The following SLC25A1 variants were observed in gnomAD, a reference collection of about 807,000 sequenced individuals.
SLC25A1 encodes solute carrier family 25 member 1.
In SLC25A1, 26 loss-of-function variants were observed where a neutral mutation model predicts 38.1. That is an observed-to-expected ratio of 0.68 (90% CI 0.50 to 0.95). The LOEUF is 0.95. SLC25A1 is among the 40% of genes least tolerant of loss of function. The pLI is 0.00. For missense variants in SLC25A1, 378 were observed against 426.6 expected (o/e 0.89, Z 1.00); for synonymous variants, 211 against 183.2 (o/e 1.15, Z -1.23).
In SLC25A1 at chr22:19,177,803, G is replaced by T; in HGVS notation, c.365C>A (p.Thr122Lys). Reference protein sequence around the residue: ...MRDAQGRLDSTRGLLCGLGAG... With the variant: ...MRDAQGRLDSKRGLLCGLGAG... Reference sequence around the variant, plus strand: ...GCCCAGGCCGCACAGCAGCCCACGCGTGCTGTCCAGCCGTCCCTGGGCATC... The same window carrying T: ...GCCCAGGCCGCACAGCAGCCCACGCTTGCTGTCCAGCCGTCCCTGGGCATC... Residue 122 changes from threonine (T) to lysine (K), a missense_variant, in exon 4 of 9, where the codon ACG becomes AAG. Thr to Lys is a moderately conservative substitution (Grantham distance 78). Transcript: ENST00000215882. The T allele has an allele frequency of 1.2e-6, 2 of 1,610,814 alleles. No individual in the cohort carries two copies. The highest frequency in any genetic ancestry group is 1.7e-6 in the Non-Finnish European group (2 of 1,179,432).
In SLC25A1 at chr22:19,175,832, G is replaced by T; in HGVS notation, c.*298C>A. 1 of 94,476 alleles carries T rather than the reference G, an allele frequency of 1.1e-5. No individual in the cohort carries two copies. The highest frequency in any genetic ancestry group is 1.6e-5 in the Non-Finnish European group (1 of 61,750). 5.9% of individuals were successfully genotyped at this position (94,476 alleles called of 1,614,324 possible). ...AGGGCCGAGGACCCAGGCCACACGG[G>T]CACCCCGGGAGGCGGGGCACAGGGT... On this transcript the variant is annotated 3_prime_UTR_variant, in exon 9 of 9. Coordinates refer to ENST00000215882, the MANE Select transcript of SLC25A1 (RefSeq NM_005984.5).
chr22:19,176,361 G>A, intron 8 of SLC25A1, 60 bp downstream of exon 8: 5 of 1,584,720 alleles, frequency 3.2e-6, no homozygotes, highest in South Asian at 1.1e-5. Context: ...GAGTGGGCAG[G>A]CCAGGTAGGC....
rs1555923018 is a variant in SLC25A1, at chr22:19,177,850, C to T, written c.318G>A (p.Glu106=). 3 of 1,608,744 alleles carry T rather than the reference C, an allele frequency of 1.9e-6. No individual in the cohort carries two copies. Among genetic ancestry groups the T allele is most frequent in the South Asian group, 2.2e-5 (2 of 90,650 alleles). The part of the protein sequence containing the change: ...PKAAVRFGMF[E]FLSNHMRDAQ... ...CATCCCGCATGTGGTTGCTGAGGAA[C>T]TCGAACATTCCAAACCTGGAGGCGG... Residue 106 remains glutamate, a synonymous_variant, in exon 4 of 9, where the codon GAG becomes GAA. Transcript: ENST00000215882.
Position 19,177,642 on chromosome 22 carries a change from G to A in SLC25A1, c.441+85C>T, listed in dbSNP as rs572879228. 50 of 1,563,770 alleles carry A rather than the reference G, an allele frequency of 3.2e-5. No homozygotes were observed. In the African/African-American group the frequency reaches 5.7e-4, roughly 18 times the overall value. ...TCCAGGAGACCCTCCCCAGCTTGCC[G>A]GTTGCCCCGGGAGCACCGGGCCAGC... On this transcript the variant is annotated intron_variant, in intron 4 of 8. Transcript: ENST00000215882.
Position 19,176,887 on chromosome 22 carries a change from A to C in SLC25A1, c.590T>G (p.Ile197Ser). The C allele has an allele frequency of 6.2e-7, 1 of 1,613,846 alleles. No individual in the cohort carries two copies. The highest frequency in any genetic ancestry group is 8.5e-7 in the Non-Finnish European group (1 of 1,180,014). The change falls in exon 6 of 9, where the codon ATC (isoleucine) becomes AGC (serine). Residue 197 changes from isoleucine (I) to serine (S), a missense_variant. By Grantham distance (142) the Ile-to-Ser change is moderately radical. Transcript: ENST00000215882. ...CAGGGAGGTCATGACGAAGAAGCGG[A>C]TGGCCTGGTTCGAGCCCTGCTTCAG... is the stretch of plus-strand genomic sequence containing the variant. ...TVLKQGSNQA[I>S]RFFVMTSLRN...
rs3213492 is a variant in SLC25A1 at position 19,176,996 on chromosome 22, C to A, written c.527-46G>T. On this transcript the variant is annotated intron_variant, in intron 5 of 8. Coordinates refer to ENST00000215882, the MANE Select transcript of SLC25A1 (RefSeq NM_005984.5). The stretch of plus-strand genomic sequence containing the variant: ...GGTTACCCTGCAGCCTCTCAGGCCC[C>A]GGTTGGGAATTGGTGTGTGTGGGGG... 1,374 of 1,606,014 alleles carry A rather than the reference C, an allele frequency of 8.6e-4. 22 individuals carry two copies. The East Asian group carries it at 0.023, about 27-fold the overall frequency.
At position 19,177,568 on chromosome 22, in the gene SLC25A1, G is replaced by A. The variant is rs536006359; in HGVS notation, c.441+159C>T. Reference sequence around the variant, plus strand: ...CCTCCACGGGTGGCCCTTCGTGGCAGGCGTCCTGCCCCAGGGCCCCGCGGT... The same window carrying A: ...CCTCCACGGGTGGCCCTTCGTGGCAAGCGTCCTGCCCCAGGGCCCCGCGGT... On this transcript the variant is annotated intron_variant, in intron 4 of 8. Transcript: ENST00000215882. Among the ~76,000 whole-genome samples the A allele has an allele frequency of 3.3e-4, 51 of 152,364 alleles. 1 individual carries two copies. Among genetic ancestry groups the A allele is most frequent in the African/African-American group, 1.1e-3 (47 of 41,590 alleles).
In SLC25A1 at chr22:19,178,301, C is replaced by T. The variant is rs376390376; in HGVS notation, c.95-61G>A. The T allele has an allele frequency of 6.9e-5, 106 of 1,534,562 alleles. No individual in the cohort carries two copies. Among genetic ancestry groups the T allele is most frequent in the Non-Finnish European group, 7.8e-5 (89 of 1,140,226 alleles). On this transcript the variant is annotated intron_variant, in intron 1 of 8. Coordinates refer to ENST00000215882, the MANE Select transcript of SLC25A1 (RefSeq NM_005984.5). The surrounding 1 kb of genome is among the most constrained non-coding windows in gnomAD (Gnocchi z 4.9). The stretch of plus-strand genomic sequence containing the variant: ...CCCGGCCGCTGGCGCTCGGGCCCCT[C>T]CCCCGTCCCGGACTTCGGTCGGCGC...
Position 19,178,449 on chromosome 22 carries a change from GGTGGGGACC to G in SLC25A1, c.94+122_94+130del. 7.3e-6 allele frequency: 10 copies of G among 1,371,332 alleles called. No individual in the cohort carries two copies. Among genetic ancestry groups the G allele is most frequent in the Non-Finnish European group, 9.4e-6 (10 of 1,069,224 alleles). 84.9% of individuals were successfully genotyped at this position (1,371,332 alleles called of 1,614,324 possible). ...GAGGCGGGCGAGTCCCAGCGCGCCG[GGTGGGGACC>G]AGGACCGCGCCTCCACGACTCCCCA... is the stretch of plus-strand genomic sequence containing the variant. On this transcript the variant is annotated intron_variant, in intron 1 of 8. Coordinates refer to ENST00000215882, the MANE Select transcript of SLC25A1 (RefSeq NM_005984.5). The surrounding 1 kb of genome is among the most constrained non-coding windows in gnomAD (Gnocchi z 4.9).
Position 19,176,496 on chromosome 22 carries a change from T to C in SLC25A1, c.748-2A>G, listed in dbSNP as rs2083962092. ...CCGGTATTTGTGCGCCTCCAGGCCC[T>C]ATGGGGGACATCAGCAGGCAGGGGC... On this transcript the variant is annotated splice_acceptor_variant, in intron 7 of 8. Coordinates refer to ENST00000215882, the MANE Select transcript of SLC25A1 (RefSeq NM_005984.5). LOFTEE classifies it high-confidence loss of function. 3 of 1,613,640 alleles carry C rather than the reference T, an allele frequency of 1.9e-6. No individual in the cohort carries two copies. The highest frequency in any genetic ancestry group is 2.5e-6 in the Non-Finnish European group (3 of 1,179,980).
In SLC25A1 at chr22:19,176,937, C is replaced by A. The variant is rs143022471; in HGVS notation, c.540G>T (p.Thr180=). 3.1e-6 allele frequency: 5 copies of A among 1,613,442 alleles called. No individual in the cohort carries two copies. Among genetic ancestry groups the A allele is most frequent in the Non-Finnish European group, 4.2e-6 (5 of 1,180,014 alleles). ...EIVREQGLKG[T]YQGLTATVLK... Reference sequence around the variant, plus strand: ...GGACAGTGGCTGTGAGGCCCTGGTACGTCCCCTTCAGCCCTGCGGGAAGGC... The same window carrying A: ...GGACAGTGGCTGTGAGGCCCTGGTAAGTCCCCTTCAGCCCTGCGGGAAGGC... The change falls in exon 6 of 9, where the codon ACG becomes ACT. Residue 180 remains threonine (T), a synonymous_variant. Transcript: ENST00000215882.
chr22:19,177,815 C>T lies in SLC25A1; in HGVS notation c.353G>A (p.Arg118Gln), dbSNP rs782121656. 1.2e-6 allele frequency: 2 copies of T among 1,610,812 alleles called. No individual in the cohort carries two copies. The highest frequency in any genetic ancestry group is 1.3e-5 in the African/African-American group (1 of 75,026). The stretch of plus-strand genomic sequence containing the variant: ...CAGCAGCCCACGCGTGCTGTCCAGC[C>T]GTCCCTGGGCATCCCGCATGTGGTT... Reference protein sequence around the residue: ...LSNHMRDAQGRLDSTRGLLCG... With the variant: ...LSNHMRDAQGQLDSTRGLLCG... The change falls in exon 4 of 9, where the codon CGG (arginine) becomes CAG (glutamine). Residue 118 changes from arginine to glutamine, a missense_variant. Transcript: ENST00000215882.
rs1555922192 is a variant in SLC25A1, at chr22:19,176,111, C to G, written c.*19G>C. ...ACTCTGGCGGTGCCTGGGGCGGTCCCCTTGCGGCCTCTCTAGGCTTAGTCC... is the reference window on the plus strand; with the variant it reads ...ACTCTGGCGGTGCCTGGGGCGGTCCGCTTGCGGCCTCTCTAGGCTTAGTCC... On this transcript the variant is annotated 3_prime_UTR_variant, in exon 9 of 9. Transcript: ENST00000215882. 6.2e-7 allele frequency: 1 copy of G among 1,604,346 alleles called. No homozygotes were observed. The highest frequency in any genetic ancestry group is 8.5e-7 in the Non-Finnish European group (1 of 1,171,814).
chr22:19,178,358 G>A lies in SLC25A1; in HGVS notation c.95-118C>T. On this transcript the variant is annotated intron_variant, in intron 1 of 8. Transcript: ENST00000215882. This position sits in a 1 kb window ranked among gnomAD's most constrained non-coding sequence, Gnocchi z 4.9. Reference sequence around the variant, plus strand: ...CGCGCCAGTGCCGCGGGGAACATAGGCTGGGGCCCCACGCCCCCATGCCCT... The same window carrying A: ...CGCGCCAGTGCCGCGGGGAACATAGACTGGGGCCCCACGCCCCCATGCCCT... The A allele has an allele frequency of 6.7e-7, 1 of 1,482,986 alleles. No homozygotes were observed. The highest frequency in any genetic ancestry group is 8.9e-7 in the Non-Finnish European group (1 of 1,119,998). 91.9% of individuals were successfully genotyped at this position (1,482,986 alleles called of 1,614,324 possible). A position where few individuals can be genotyped will look rare whatever the true frequency, so the allele number is the denominator to read the frequency against.
chr22:19,177,781 C>G lies in SLC25A1; in HGVS notation c.387G>C (p.Leu129=). Residue 129 remains leucine, a synonymous_variant, in exon 4 of 9, where the codon CTG becomes CTC. Coordinates refer to ENST00000215882, the MANE Select transcript of SLC25A1 (RefSeq NM_005984.5). ...CCACGGCCTCGGCCACGCCAGCGCC[C>G]AGGCCGCACAGCAGCCCACGCGTGC... The part of the protein sequence containing the change: ...LDSTRGLLCG[L]GAGVAEAVVV... The G allele has an allele frequency of 6.2e-7, 1 of 1,610,512 alleles. No individual in the cohort carries two copies. The highest frequency in any genetic ancestry group is 8.5e-7 in the Non-Finnish European group (1 of 1,179,602).
intron 4 of SLC25A1, among the ~76,000 whole-genome samples, chr22:19,177,411 C>T (rs1200730462): frequency 6.6e-6 from 1 of 152,166 alleles, no homozygotes; most frequent in East Asian, 1.9e-4. Flanking sequence ...GGACACAGGG[C>T]AGCCCTGTGA....
chr22:19,177,061 AGGCCCTTCCCACCCT>A, intron 5 of SLC25A1, 44 bp downstream of exon 5: 1 of 1,572,830 alleles, frequency 6.4e-7, no homozygotes, highest in Non-Finnish European at 8.7e-7. Context: ...TGGGAGGTGC[AGGCCCTTCCCACCCT>A]GGCCCAGGTC....
In SLC25A1 at chr22:19,177,134, A is replaced by G. The variant is rs1400727853; in HGVS notation, c.512T>C (p.Ile171Thr). ...GAGTGGCTCACCTTGTTCCCGCACA[A>G]TCTCCCTAACCCCGTGGAAGAATCC... is the stretch of plus-strand genomic sequence containing the variant. The part of the protein sequence containing the change: ...YRGFFHGVRE[I>T]VREQGLKGTY... Residue 171 changes from isoleucine (I) to threonine (T), a missense_variant, in exon 5 of 9, where the codon ATT (isoleucine) becomes ACT (threonine). Coordinates refer to ENST00000215882, the MANE Select transcript of SLC25A1 (RefSeq NM_005984.5). 1 of 1,613,944 alleles carries G rather than the reference A, an allele frequency of 6.2e-7. No individual in the cohort carries two copies. Among genetic ancestry groups the G allele is most frequent in the Non-Finnish European group, 8.5e-7 (1 of 1,179,900 alleles).
Position 19,176,668 on chromosome 22 carries a change from G to A in SLC25A1, c.657C>T (p.Asn219=), listed in dbSNP as rs1555922415. The A allele has an allele frequency of 2.5e-6, 4 of 1,613,978 alleles. No homozygotes were observed. Among genetic ancestry groups the A allele is most frequent in the Non-Finnish European group, 3.4e-6 (4 of 1,179,970 alleles). The part of the protein sequence containing the change: ...YRGDNPNKPM[N]PLITGVFGAI... ...CTCCGAAGACCCCAGTGATCAGAGGGTTCATGGGCTTGTTGGGGTTGTCCC... is the reference window on the plus strand; with the variant it reads ...CTCCGAAGACCCCAGTGATCAGAGGATTCATGGGCTTGTTGGGGTTGTCCC... Residue 219 remains asparagine (N), a synonymous_variant, in exon 7 of 9, where the codon AAC becomes AAT. Coordinates refer to ENST00000215882, the MANE Select transcript of SLC25A1 (RefSeq NM_005984.5).
Sources: allele counts gnomAD v4.1 joint callset (sites outside exome capture counted in the v4.1 genomes callset), GRCh38; gene constraint gnomAD v4.1.1; non-coding constraint Gnocchi (gnomAD v3.1); transcripts MANE v1.5; gene names NCBI Gene and HGNC (gene_info 2026-07-23, HGNC 2026-07-21).